Variants in DCT observed in about 807,000 individuals in gnomAD.
The protein encoded by DCT is dopachrome tautomerase.
A neutral mutation model predicts 53.0 loss-of-function variants in DCT; 47 were observed. The observed-to-expected ratio is 0.89, with a 90% CI of 0.70 to 1.13. The LOEUF (loss-of-function observed/expected upper bound fraction) is 1.13. Among genes scored for constraint, DCT ranks in the 50% most tolerant of loss-of-function variants. DCT has a pLI of 0.00. For synonymous variants in DCT, 244 were observed against 237.0 expected (o/e 1.03, Z -0.27); for missense variants, 669 against 637.4 (o/e 1.05, Z -0.53).
chr13:94,454,398 A>C (rs1254012787), intron 6 of DCT, among the ~76,000 whole-genome samples: 1 of 152,176 alleles, frequency 6.6e-6, no homozygotes, highest in Admixed American at 6.5e-5. Context: ...CTTTCTTGGC[A>C]TTTAAATAAC....
the DCT span, among the ~76,000 whole-genome samples, chr13:94,548,840 C>T: frequency 1.1e-4 from 17 of 152,212 alleles, no homozygotes; most frequent in Non-Finnish European, 2.2e-4. Context: ...AGCAAGGCCT[C>T]TTTTAGAAAC....
chr13:94,479,007 A>C lies in DCT; in HGVS notation c.249T>G (p.Arg83=), dbSNP rs199664123. The C allele has an allele frequency of 3.2e-5, 52 of 1,613,730 alleles. 1 individual carries two copies. The Admixed American group carries it at 6.0e-4, about 19-fold the overall frequency. Residue 83 remains arginine, a synonymous_variant, in exon 1 of 8, where the codon CGT becomes CGG. Coordinates refer to ENST00000377028, the MANE Select transcript of DCT (RefSeq NM_001922.5). ...GPYILRNQDD[R]ELWPRKFFHR... is the part of the protein sequence containing the mutation. ...GGAAGAATTTTCTTGGCCACAGCTC[A>C]CGGTCATCCTGGTTTCGTAGGATGT...
chr13:94,525,037 T>C, the DCT span, among the ~76,000 whole-genome samples: 137 of 152,198 alleles, frequency 9.0e-4, no homozygotes, highest in African/African-American at 2.7e-3. Context: ...CTTCCTGATA[T>C]AACTGAGAAG....
intron 6 of DCT, chr13:94,445,595 G>A: frequency 5.9e-6 from 4 of 674,416 alleles, no homozygotes; most frequent in Non-Finnish European, 1.0e-5. Context: ...CACAGAAATG[G>A]TAAGAAATGA....
At chr13:94,444,432 A>G (rs1882585081) in intron 6 of DCT, 1 of 515,924 alleles carries the variant, frequency 1.9e-6, no homozygotes, top group South Asian at 1.4e-5. Flanking sequence ...CCAGCAAAAG[A>G]AAGTCTAAAA....
At chr13:94,476,667 G>C (rs1374290953) in intron 1 of DCT, among the ~76,000 whole-genome samples, 3 of 151,892 alleles carry the variant, frequency 2.0e-5, no homozygotes, top group Admixed American at 6.6e-5. Flanking sequence ...GTAGAGACAG[G>C]GTTTCACCAT....
At chr13:94,475,014 C>T (rs551172899) in intron 1 of DCT, among the ~76,000 whole-genome samples, 2 of 152,126 alleles carry the variant, frequency 1.3e-5, no homozygotes, top group African/African-American at 2.4e-5. Context: ...TGACTCCATT[C>T]GCAAAAGAGT....
At chr13:94,519,640 T>A in the DCT span, among the ~76,000 whole-genome samples, 2 of 152,322 alleles carry the variant, frequency 1.3e-5, no homozygotes, top group South Asian at 4.1e-4. Context: ...AATCCAACCA[T>A]GCTCAGCTTT....
chr13:94,528,211 C>T, the DCT span, among the ~76,000 whole-genome samples: 1 of 152,154 alleles, frequency 6.6e-6, no homozygotes, highest in South Asian at 2.1e-4. Context: ...CTGGAAAACA[C>T]TCTTTGGGAT....
chr13:94,536,630 T>C, the DCT span, among the ~76,000 whole-genome samples: 1 of 152,256 alleles, frequency 6.6e-6, no homozygotes, highest in Admixed American at 6.5e-5. Flanking sequence ...TCTGCCTCTG[T>C]GTCACCCTCT....
intron 6 of DCT, among the ~76,000 whole-genome samples, chr13:94,443,878 T>C (rs1444685416): frequency 6.6e-6 from 1 of 152,190 alleles, no homozygotes; most frequent in Admixed American, 6.5e-5. Context: ...TTCAACGATG[T>C]ATGAATCTCT....
rs547411005 is a variant in DCT, at chr13:94,469,756, A to G, written c.296-711T>C. On this transcript the variant is annotated intron_variant, in intron 1 of 7. Transcript: ENST00000377028. ...CATTGATTTAGAGAAGGAAGAAAAT[A>G]CACAGCAAGCTAAAGATGAAACCAA... Among the ~76,000 whole-genome samples the G allele has an allele frequency of 2.0e-5, 3 of 152,328 alleles. No individual in the cohort carries two copies. The South Asian group carries it at 6.2e-4, about 32-fold the overall frequency.
intron 6 of DCT, among the ~76,000 whole-genome samples, chr13:94,448,231 C>T (rs372004602): frequency 6.6e-6 from 1 of 151,892 alleles, no homozygotes; most frequent in African/African-American, 2.4e-5. Flanking sequence ...AGTGACAGAG[C>T]GAGATACTGT....
At chr13:94,519,036 CCCTCCGCCTAACCTGGTTATTTCTTATT>C in the DCT span, among the ~76,000 whole-genome samples, 9 of 152,064 alleles carry the variant, frequency 5.9e-5, no homozygotes, top group African/African-American at 2.2e-4. Flanking sequence ...CACCATTGCC[CCCTCCGCCTAACCTGGTTATTTCTTATT>C]CCTCCTTTAA....
At chr13:94,544,362 C>T in the DCT span, among the ~76,000 whole-genome samples, 75,865 of 151,944 alleles carry the variant, frequency 0.5, 21,281 homozygotes, top group African/African-American at 0.76. Context: ...CAGTGAAATA[C>T]GTGGGGAAAG....
At position 94,468,986 on chromosome 13, in the gene DCT, C is replaced by A; in HGVS notation, c.355G>T (p.Glu119Ter). The A allele has an allele frequency of 6.2e-7, 1 of 1,614,106 alleles. No homozygotes were observed. The change falls in exon 2 of 8, where the codon GAG (glutamate) becomes TAG (stop). Residue 119 changes from glutamate (E) to a stop codon, truncating the protein, a stop_gained. Transcript: ENST00000377028. LOFTEE classifies it high-confidence loss of function. ...CGAATCACTGGTGGTTTCTTCCGCT[C>A]GCAGTTGGGACCGGTCCAGCCAAAC... Reference protein sequence around the residue: ...CKFGWTGPNCERKKPPVIRQN... With the variant: ...CKFGWTGPNC
the DCT span, among the ~76,000 whole-genome samples, chr13:94,527,054 C>G: frequency 6.6e-6 from 1 of 152,170 alleles, no homozygotes; most frequent in Non-Finnish European, 1.5e-5. Context: ...CGCAACACTG[C>G]AGCTTGACTG....
the DCT span, among the ~76,000 whole-genome samples, chr13:94,547,984 A>AAAAAAAAAATATAT: frequency 6.1e-5 from 4 of 65,818 alleles, no homozygotes; most frequent in African/African-American, 5.2e-4. Context: ...AAAAAAAAAA[A>AAAAAAAAAATATAT]ATATATATAT....
intron 6 of DCT, among the ~76,000 whole-genome samples, chr13:94,458,267 T>A (rs1396511481): frequency 6.6e-6 from 1 of 152,046 alleles, no homozygotes; most frequent in South Asian, 2.1e-4. Context: ...CCAAAAGTCC[T>A]CCCCAAATCA....
Sources: allele counts gnomAD v4.1 joint callset (sites outside exome capture counted in the v4.1 genomes callset), GRCh38; gene constraint gnomAD v4.1.1; transcripts MANE v1.5; gene names NCBI Gene and HGNC (gene_info 2026-07-23, HGNC 2026-07-21).